The following UPF2 variants were observed in gnomAD, a reference collection of about 807,000 sequenced individuals.
UPF2 encodes the protein UPF2 regulator of nonsense mediated mRNA decay, also known as regulator of nonsense transcripts 2.
In UPF2, 17 loss-of-function variants were observed where a neutral mutation model predicts 141.4. That is an observed-to-expected ratio of 0.12 (90% CI 0.08 to 0.18). The LOEUF (loss-of-function observed/expected upper bound fraction) is 0.18. Ranked by LOEUF, UPF2 falls within the 10% of genes least tolerant of loss-of-function variation. The pLI is 1.00. For synonymous variants in UPF2, 540 were observed against 498.0 expected (o/e 1.08, Z -1.12); for missense variants, 1,152 against 1,515.9 (o/e 0.76, Z 3.99).
chr10:12,022,180 G>C (rs564243667), intron 3 of UPF2, among the ~76,000 whole-genome samples: 169 of 151,718 alleles, frequency 1.1e-3, no homozygotes, highest in South Asian at 4.0e-3. Context: ...GGGAGGCCGA[G>C]GAGGGCAGAT....
At chr10:11,933,015 T>C (rs2131155151) in intron 19 of UPF2, among the ~76,000 whole-genome samples, 1 of 152,320 alleles carries the variant, frequency 6.6e-6, no homozygotes, top group African/African-American at 2.4e-5. Context: ...TTAATTGACA[T>C]TTATTATTCT....
At chr10:11,978,628 A>G (rs1193007610) in intron 9 of UPF2, among the ~76,000 whole-genome samples, 1 of 152,216 alleles carries the variant, frequency 6.6e-6, no homozygotes, top group Non-Finnish European at 1.5e-5. Context: ...AGCACTTGCT[A>G]GTATCAGAGT....
intron 9 of UPF2, 77 bp downstream of exon 9, chr10:11,978,980 A>G (rs1217797976): frequency 6.7e-6 from 8 of 1,197,860 alleles, no homozygotes; most frequent in Non-Finnish European, 9.6e-6. Context: ...TATGCTTACC[A>G]ACAATTACAT....
In UPF2 at chr10:12,030,941, G is replaced by A. The variant is rs113332593; in HGVS notation, c.366-1417C>T. 2.2e-3 allele frequency among the ~76,000 whole-genome samples: 337 copies of A among 151,444 alleles called. 3 individuals carry two copies. The highest frequency in any genetic ancestry group is 7.7e-3 in the African/African-American group (317 of 41,286). The stretch of plus-strand genomic sequence containing the variant: ...TGTAATCCCAGCACTTTGGGAGGCC[G>A]AGGCGGGTGGATCACGAGGTTAGGA... On this transcript the variant is annotated intron_variant, in intron 2 of 21. Coordinates refer to ENST00000357604, the MANE Select transcript of UPF2 (RefSeq NM_015542.4).
chr10:11,961,747 T>C (rs1833245087), intron 11 of UPF2, among the ~76,000 whole-genome samples: 1 of 152,222 alleles, frequency 6.6e-6, no homozygotes, highest in Non-Finnish European at 1.5e-5. Flanking sequence ...AATTCGTATT[T>C]AACGCATGAA....
chr10:12,028,472 G>A (rs902347012), intron 3 of UPF2, among the ~76,000 whole-genome samples: 1 of 152,184 alleles, frequency 6.6e-6, no homozygotes, highest in Non-Finnish European at 1.5e-5. Context: ...TTATTAAGGA[G>A]TATTTAAAAT....
intron 1 of UPF2, among the ~76,000 whole-genome samples, chr10:12,037,626 C>A (rs1261470509): frequency 1.3e-5 from 2 of 150,616 alleles, no homozygotes; most frequent in Non-Finnish European, 3.0e-5. Flanking sequence ...TTCTTGACCT[C>A]AAGTGATCCA....
chr10:11,979,933 CAAT>C lies in UPF2; in HGVS notation c.1845-771_1845-769del, dbSNP rs1418050966. ...AATGAATGAATGAATGAATGGTACT[CAAT>C]AACTGAAAAAACCTCTACGAAGGCA... On this transcript the variant is annotated intron_variant, in intron 8 of 21. Coordinates refer to ENST00000357604, the MANE Select transcript of UPF2 (RefSeq NM_015542.4). The surrounding 1 kb of genome is among the most constrained non-coding windows in gnomAD (Gnocchi z 6.2). Among the ~76,000 whole-genome samples the C allele has an allele frequency of 6.6e-6, 1 of 152,128 alleles. No homozygotes were observed. Among genetic ancestry groups the C allele is most frequent in the Non-Finnish European group, 1.5e-5 (1 of 68,010 alleles).
chr10:12,001,543 T>C, intron 6 of UPF2, 133 bp downstream of exon 6: 7 of 844,012 alleles, frequency 8.3e-6, no homozygotes, highest in East Asian at 2.9e-5. Context: ...CTGAAAACAG[T>C]GATGGACTGA....
In UPF2 at chr10:12,014,151, T is replaced by C. The variant is rs1199165493; in HGVS notation, c.1179A>G (p.Glu393=). 3 of 1,537,950 alleles carry C rather than the reference T, an allele frequency of 2.0e-6. No individual in the cohort carries two copies. Among genetic ancestry groups the C allele is most frequent in the Non-Finnish European group, 2.6e-6 (3 of 1,136,344 alleles). ...RILHSKGELS[E]DRHKQYEEFA... ...ATTCCTCATACTGTTTATGTCTATCTTCACTGAGCTCCCCTTTAGAATGTA... is the reference window on the plus strand; with the variant it reads ...ATTCCTCATACTGTTTATGTCTATCCTCACTGAGCTCCCCTTTAGAATGTA... The change falls in exon 4 of 22, where the codon GAA becomes GAG. Residue 393 remains glutamate (E), a synonymous_variant. Transcript: ENST00000357604. The surrounding 1 kb of genome is among the most constrained non-coding windows in gnomAD (Gnocchi z 5.0).
chr10:11,930,254 C>A (rs371209981), intron 20 of UPF2, among the ~76,000 whole-genome samples: 1 of 152,308 alleles, frequency 6.6e-6, no homozygotes, highest in East Asian at 1.9e-4. Flanking sequence ...GCCTAAGAGG[C>A]AGTGCATTGC....
At chr10:12,011,733 G>A (rs1487547028) in intron 4 of UPF2, among the ~76,000 whole-genome samples, 2 of 151,910 alleles carry the variant, frequency 1.3e-5, no homozygotes, top group Admixed American at 6.6e-5. Context: ...ATCACCTGAG[G>A]TTGGGAGTTC....
intron 9 of UPF2, among the ~76,000 whole-genome samples, chr10:11,978,229 A>T (rs1833538019): frequency 1.3e-5 from 2 of 152,232 alleles, no homozygotes; most frequent in Non-Finnish European, 2.9e-5. Flanking sequence ...AGTGAGAGAA[A>T]GCGTGTGCGG....
chr10:11,972,586 A>T (rs949097252), intron 9 of UPF2, among the ~76,000 whole-genome samples: 11 of 151,954 alleles, frequency 7.2e-5, no homozygotes, highest in Admixed American at 6.6e-5. Context: ...CCTGTGTCCA[A>T]GTGTTCTGAT....
intron 20 of UPF2, 119 bp from the exon 21 acceptor site, chr10:11,930,104 G>T: frequency 7.1e-7 from 1 of 1,400,974 alleles, no homozygotes; most frequent in Non-Finnish European, 9.7e-7. Context: ...GCTGACTAAA[G>T]AAAAATAGCC....
chr10:11,945,993 T>A (rs993613437), intron 16 of UPF2, among the ~76,000 whole-genome samples: 2 of 152,294 alleles, frequency 1.3e-5, no homozygotes, highest in African/African-American at 2.4e-5. Flanking sequence ...TCATCTAGTA[T>A]ACTGAAGCCA....
At chr10:11,934,222 G>T (rs1020452340) in intron 19 of UPF2, among the ~76,000 whole-genome samples, 1 of 152,242 alleles carries the variant, frequency 6.6e-6, no homozygotes, top group Non-Finnish European at 1.5e-5. Flanking sequence ...TGGGATTTGT[G>T]AATCCTCGTA....
At chr10:11,986,924 G>C (rs1359128682) in intron 8 of UPF2, among the ~76,000 whole-genome samples, 1 of 152,218 alleles carries the variant, frequency 6.6e-6, no homozygotes, top group African/African-American at 2.4e-5. Context: ...ATAGGGAAAA[G>C]CTGTTCAAGA....
Position 11,959,565 on chromosome 10 carries a change from G to C in UPF2, c.2185-209C>G, listed in dbSNP as rs1482902190. ...ACTTGAATCCAGGAGTTCAAGACCAGCTTGGGCAACATGATGAAACCCCAT... is the reference window on the plus strand; with the variant it reads ...ACTTGAATCCAGGAGTTCAAGACCACCTTGGGCAACATGATGAAACCCCAT... On this transcript the variant is annotated intron_variant, in intron 11 of 21. Transcript: ENST00000357604. This position sits in a 1 kb window ranked among gnomAD's most constrained non-coding sequence, Gnocchi z 5.9. Among the ~76,000 whole-genome samples, 1 of 152,088 alleles carries C rather than the reference G, an allele frequency of 6.6e-6. No individual in the cohort carries two copies. Among genetic ancestry groups the C allele is most frequent in the Non-Finnish European group, 1.5e-5 (1 of 68,020 alleles).
Sources: gnomAD v4.1 joint callset for allele counts (sites outside exome capture counted in the v4.1 genomes callset) on GRCh38, gnomAD v4.1.1 for gene constraint, Gnocchi (gnomAD v3.1) non-coding constraint, MANE v1.5 for transcripts, NCBI Gene and HGNC (gene_info 2026-07-23, HGNC 2026-07-21) for gene names.